Variants in ATF7IP2 observed in about 807,000 individuals in gnomAD.
The protein encoded by ATF7IP2 is activating transcription factor 7 interacting protein 2, also known as activating transcription factor 7-interacting protein 2.
A neutral mutation model predicts 64.2 loss-of-function variants in ATF7IP2; 42 were observed. That is an observed-to-expected ratio of 0.65 (90% CI 0.51 to 0.85). The LOEUF is 0.85. ATF7IP2 is among the 40% of genes least tolerant of loss of function. ATF7IP2 has a pLI of 0.00. For missense variants in ATF7IP2, 933 were observed against 784.2 expected (o/e 1.19, Z -2.27); for synonymous variants, 308 against 272.8 (o/e 1.13, Z -1.27).
intron 12 of ATF7IP2, among the ~76,000 whole-genome samples, chr16:10,476,483 G>A (rs1480367618): frequency 6.8e-6 from 1 of 146,100 alleles, no homozygotes; most frequent in African/African-American, 2.8e-5. Flanking sequence ...ACTCTCCCCA[G>A]TTGTGTGTGT....
chr16:10,409,670 C>T (rs995323755), intron 1 of ATF7IP2, among the ~76,000 whole-genome samples: 2 of 152,212 alleles, frequency 1.3e-5, no homozygotes, highest in African/African-American at 4.8e-5. Context: ...CATGATCCGC[C>T]CGCCTGGGCC....
intron 8 of ATF7IP2, among the ~76,000 whole-genome samples, chr16:10,450,506 TG>T (rs1373743133): frequency 2.6e-5 from 4 of 152,246 alleles, no homozygotes; most frequent in Admixed American, 2.6e-4. Context: ...GTTCCTGCAT[TG>T]GGTGCATATA....
At chr16:10,389,328 C>T (rs923688812) in intron 1 of ATF7IP2, among the ~76,000 whole-genome samples, 12 of 152,162 alleles carry the variant, frequency 7.9e-5, no homozygotes, top group African/African-American at 2.9e-4. Context: ...CTGTAAGAGA[C>T]GTGTGAACTA....
Position 10,438,100 on chromosome 16 carries a change from G to T in ATF7IP2, c.961-1G>T. On this transcript the variant is annotated splice_acceptor_variant, in intron 6 of 13. Coordinates refer to ENST00000562102, the MANE Select transcript of ATF7IP2 (RefSeq NM_001393719.1). LOFTEE classifies it high-confidence loss of function. ...TTTTGGTTTTTATTTTAAAATTCTA[G>T]GTCAGACATTTGATTCAGCAGGAGA... The T allele has an allele frequency of 6.5e-7, 1 of 1,538,864 alleles. No homozygotes were observed. Among genetic ancestry groups the T allele is most frequent in the South Asian group, 1.3e-5 (1 of 78,476 alleles).
At chr16:10,448,435 C>G (rs1421198593) in intron 8 of ATF7IP2, 2 of 152,192 alleles carry the variant, frequency 1.3e-5, no homozygotes, top group African/African-American at 4.8e-5. Context: ...TTTGTGGCCT[C>G]TCTTATTTCC....
At chr16:10,411,917 TTC>T (rs1353733229) in intron 1 of ATF7IP2, among the ~76,000 whole-genome samples, 5 of 149,710 alleles carry the variant, frequency 3.3e-5, no homozygotes, top group Admixed American at 6.6e-5. Context: ...TTTTTTTTTT[TTC>T]CTCAGCTTTT....
chr16:10,460,199 A>G (rs1056377908), intron 9 of ATF7IP2, among the ~76,000 whole-genome samples: 2 of 152,186 alleles, frequency 1.3e-5, no homozygotes, highest in Admixed American at 6.5e-5. Context: ...CCCAAAACAT[A>G]TCAAGTACCT....
rs58155607 is a variant in ATF7IP2 at position 10,462,466 on chromosome 16, T to C, written c.1352+4937T>C. 8.7e-3 allele frequency among the ~76,000 whole-genome samples: 1,324 copies of C among 152,214 alleles called. 15 individuals are homozygous for C. Among genetic ancestry groups the C allele is most frequent in the African/African-American group, 0.029 (1,213 of 41,566 alleles). On this transcript the variant is annotated intron_variant, in intron 9 of 13. Transcript: ENST00000562102. ...CTTAATTTTGAAGGGTATTTTAACT[T>C]GGGTATAGAATTAGAGGTTGGCAGT...
At chr16:10,458,289 T>C (rs1328049600) in intron 9 of ATF7IP2, among the ~76,000 whole-genome samples, 1 of 152,196 alleles carries the variant, frequency 6.6e-6, no homozygotes, top group Non-Finnish European at 1.5e-5. Context: ...GGCATTTAGT[T>C]GATGAAGGCA....
chr16:10,400,726 G>T (rs1388049248), intron 1 of ATF7IP2, among the ~76,000 whole-genome samples: 3 of 152,166 alleles, frequency 2.0e-5, no homozygotes. Flanking sequence ...TCTGTTGCCA[G>T]GTTGGAGTGC....
At chr16:10,470,682 G>A (rs972452803) in intron 9 of ATF7IP2, among the ~76,000 whole-genome samples, 1 of 151,858 alleles carries the variant, frequency 6.6e-6, no homozygotes, top group Non-Finnish European at 1.5e-5. Context: ...TACTTAGGAG[G>A]CCGAGATGAG....
chr16:10,479,958 C>CTTTTTTTTTTTTTTTTT (rs201158427), intron 12 of ATF7IP2, among the ~76,000 whole-genome samples: 2 of 80,568 alleles, frequency 2.5e-5, no homozygotes. Flanking sequence ...ACTGGAAATA[C>CTTTTTTTTTTTTTTTTT]TTTTTTTTTT....
intron 3 of ATF7IP2, among the ~76,000 whole-genome samples, chr16:10,426,088 A>G (rs138951761): frequency 1.4e-3 from 218 of 152,352 alleles, no homozygotes; most frequent in Non-Finnish European, 2.4e-3. Context: ...ATGTGCTAAA[A>G]TAAATTCTAG....
rs143778984 is a variant in ATF7IP2 at position 10,459,743 on chromosome 16, T to C, written c.1352+2214T>C. ...ATGCAGGACTTGATAAAATACCCAT[T>C]TATGATTAAAATAAATTCGTGGCAA... On this transcript the variant is annotated intron_variant, in intron 9 of 13. Transcript: ENST00000562102. Among the ~76,000 whole-genome samples the C allele has an allele frequency of 2.5e-3, 378 of 152,302 alleles. 3 individuals carry two copies. Among genetic ancestry groups the C allele is most frequent in the African/African-American group, 8.6e-3 (359 of 41,574 alleles).
chr16:10,419,044 C>T (rs1215883455), intron 2 of ATF7IP2, among the ~76,000 whole-genome samples: 3 of 152,216 alleles, frequency 2.0e-5, no homozygotes, highest in Non-Finnish European at 4.4e-5. Flanking sequence ...GCACCTCTGC[C>T]TGTTCTGCAG....
At chr16:10,394,348 CAT>C (rs2047383551) in intron 1 of ATF7IP2, among the ~76,000 whole-genome samples, 2 of 152,260 alleles carry the variant, frequency 1.3e-5, no homozygotes, top group South Asian at 2.1e-4. Flanking sequence ...AAATCATAAA[CAT>C]ATATGCACCT....
chr16:10,469,067 A>C (rs959235575), intron 9 of ATF7IP2, among the ~76,000 whole-genome samples: 5 of 152,176 alleles, frequency 3.3e-5, no homozygotes, highest in Non-Finnish European at 7.4e-5. Flanking sequence ...AACAACATCC[A>C]TTACCCAACA....
At chr16:10,478,699 C>T (rs1364704550) in intron 12 of ATF7IP2, among the ~76,000 whole-genome samples, 1 of 152,144 alleles carries the variant, frequency 6.6e-6, no homozygotes, top group African/African-American at 2.4e-5. Context: ...AAAGAAACTA[C>T]CATCAGAGTG....
At position 10,431,107 on chromosome 16, in the gene ATF7IP2, A is replaced by G; in HGVS notation, c.487A>G (p.Ser163Gly). Residue 163 changes from serine to glycine, a missense_variant, in exon 5 of 14, where the codon AGT becomes GGT. By Grantham distance (56) the Ser-to-Gly change is moderately conservative. Transcript: ENST00000562102. ...CCTTTTTGAGCATGAGGGGGCTTGT[A>G]GTCTAAAGTCCAGTTGCTGTCCACC... ...RSLFEHEGAC[S>G]LKSSCCPPSV... 1 of 1,614,212 alleles carries G rather than the reference A, an allele frequency of 6.2e-7. No homozygotes were observed. Among genetic ancestry groups the G allele is most frequent in the Non-Finnish European group, 8.5e-7 (1 of 1,180,034 alleles).
Sources: allele counts gnomAD v4.1 joint callset (sites outside exome capture counted in the v4.1 genomes callset), GRCh38; gene constraint gnomAD v4.1.1; transcripts MANE v1.5; gene names NCBI Gene and HGNC (gene_info 2026-07-23, HGNC 2026-07-21).